The following SESTD1 variants were observed in gnomAD, a reference collection of about 807,000 sequenced individuals.
SESTD1 encodes SEC14 domain and spectrin repeat-containing protein 1.
SESTD1 carries 43 observed loss-of-function variants against 101.7 expected under a neutral mutation model. The ratio of observed to expected loss-of-function variants is 0.42; its 90% CI spans 0.33 to 0.55. The LOEUF (loss-of-function observed/expected upper bound fraction) is 0.55, where lower values mean the gene tolerates loss of function less well. Among genes scored for constraint, SESTD1 ranks in the 20% least tolerant of loss-of-function variants. SESTD1 has a pLI of 0.07. For missense variants in SESTD1, 647 were observed against 815.1 expected (o/e 0.79, Z 2.51); for synonymous variants, 283 against 286.8 (o/e 0.99, Z 0.13).
At chr2:179,225,405 ATAAT>A (rs1260469524) in intron 1 of SESTD1, among the ~76,000 whole-genome samples, 1 of 152,168 alleles carries the variant, frequency 6.6e-6, no homozygotes, top group Non-Finnish European at 1.5e-5. Flanking sequence ...TCCCTTAAAT[ATAAT>A]TATTCATTTT....
intron 16 of SESTD1, among the ~76,000 whole-genome samples, chr2:179,113,787 C>T (rs571728680): frequency 6.6e-6 from 1 of 151,870 alleles, no homozygotes; most frequent in South Asian, 2.1e-4. Context: ...GTACAACAAG[C>T]TCCAGGAGGT....
intron 9 of SESTD1, 131 bp from the exon 10 acceptor site, chr2:179,132,557 G>T: frequency 1.0e-6 from 1 of 998,374 alleles, no homozygotes; most frequent in Non-Finnish European, 1.4e-6. Context: ...CTATCACATA[G>T]GCAGTAAATG....
chr2:179,202,882 A>G lies in SESTD1; in HGVS notation c.-25-11016T>C, dbSNP rs917485653. Reference sequence around the variant, plus strand: ...AAGATCCAATATCCTAAGTCCCACAATCTGGGACAATGACCCACAGGGTCT... The same window carrying G: ...AAGATCCAATATCCTAAGTCCCACAGTCTGGGACAATGACCCACAGGGTCT... On this transcript the variant is annotated intron_variant, in intron 1 of 17. Coordinates refer to ENST00000428443, the MANE Select transcript of SESTD1 (RefSeq NM_178123.5). Among the ~76,000 whole-genome samples, 13 of 134,556 alleles carry G rather than the reference A, an allele frequency of 9.7e-5. 3 individuals carry two copies. The highest frequency in any genetic ancestry group is 1.6e-4 in the Non-Finnish European group (10 of 62,628). 88.3% of individuals were successfully genotyped at this position (134,556 alleles called of 152,430 possible). A position where few individuals can be genotyped will look rare whatever the true frequency, so the allele number is the denominator to read the frequency against.
chr2:179,135,039 G>A (rs1422512993), intron 9 of SESTD1, among the ~76,000 whole-genome samples: 2 of 152,236 alleles, frequency 1.3e-5, no homozygotes, highest in East Asian at 1.9e-4. Context: ...CTGCCTCCCA[G>A]GTTCAAGCGA....
chr2:179,121,889 G>A lies in SESTD1; in HGVS notation c.1323C>T (p.Leu441=). ...ATGCCTGATTGGAGATCTGATCCAGGAGACCTTGACCTTTTTCACGCAAAC... is the reference window on the plus strand; with the variant it reads ...ATGCCTGATTGGAGATCTGATCCAGAAGACCTTGACCTTTTTCACGCAAAC... ...LQGLREKGQG[L]LDQISNQASW... is the part of the protein sequence containing the mutation. Residue 441 remains leucine (L), a synonymous_variant, in exon 13 of 18, where the codon CTC becomes CTT. Transcript: ENST00000428443. 6.2e-7 allele frequency: 1 copy of A among 1,607,644 alleles called. No individual in the cohort carries two copies. The highest frequency in any genetic ancestry group is 8.5e-7 in the Non-Finnish European group (1 of 1,177,494).
At chr2:179,176,639 G>C in intron 3 of SESTD1, 101 bp from the exon 4 acceptor site, 2 of 783,596 alleles carry the variant, frequency 2.6e-6, no homozygotes. Flanking sequence ...ATATGGAGTA[G>C]AATTAATCTC....
At chr2:179,229,752 T>A (rs1303321217) in intron 1 of SESTD1, among the ~76,000 whole-genome samples, 4 of 99,830 alleles carry the variant, frequency 4.0e-5, no homozygotes, top group African/African-American at 1.6e-4. Flanking sequence ...TAAGAACTTA[T>A]ATATATATAT....
At chr2:179,200,734 A>C (rs1574031575) in intron 1 of SESTD1, among the ~76,000 whole-genome samples, 1 of 136,942 alleles carries the variant, frequency 7.3e-6, no homozygotes, top group Non-Finnish European at 1.6e-5. Flanking sequence ...GAAAGCTGAA[A>C]CTGGATCCCT....
At chr2:179,170,871 G>A (rs1022637380) in intron 5 of SESTD1, among the ~76,000 whole-genome samples, 7 of 152,332 alleles carry the variant, frequency 4.6e-5, no homozygotes, top group Middle Eastern at 6.8e-3. Context: ...CCTAGGGTTC[G>A]AAGCTCCTGC....
At position 179,214,291 on chromosome 2, in the gene SESTD1, C is replaced by T. The variant is rs2046689354; in HGVS notation, c.-25-22425G>A. ...AAATAAAGGGATGGAGGAAGATCTA[C>T]TAAGCAAATGGAAAGCAAAAAAAAG... On this transcript the variant is annotated intron_variant, in intron 1 of 17. Coordinates refer to ENST00000428443, the MANE Select transcript of SESTD1 (RefSeq NM_178123.5). Among the ~76,000 whole-genome samples the T allele has an allele frequency of 1.5e-5, 2 of 133,682 alleles. 1 individual carries two copies. 87.7% of individuals were successfully genotyped at this position (133,682 alleles called of 152,430 possible).
intron 9 of SESTD1, among the ~76,000 whole-genome samples, chr2:179,140,695 C>G (rs1657854179): frequency 1.3e-5 from 2 of 152,242 alleles, no homozygotes; most frequent in South Asian, 4.1e-4. Flanking sequence ...CTTCCTTCAC[C>G]ACACCTCCCT....
intron 1 of SESTD1, among the ~76,000 whole-genome samples, chr2:179,249,491 A>G (rs980752974): frequency 6.6e-6 from 1 of 152,200 alleles, no homozygotes; most frequent in Non-Finnish European, 1.5e-5. Context: ...GGAAACTACA[A>G]AATACTGATG....
intron 1 of SESTD1, among the ~76,000 whole-genome samples, chr2:179,194,950 C>G (rs2046368094): frequency 6.6e-6 from 1 of 152,206 alleles, no homozygotes; most frequent in South Asian, 2.1e-4. Context: ...ACTTTCCCAA[C>G]ATTGCTGGAC....
At chr2:179,255,412 C>T (rs995930657) in intron 1 of SESTD1, among the ~76,000 whole-genome samples, 2 of 152,146 alleles carry the variant, frequency 1.3e-5, no homozygotes, top group African/African-American at 4.8e-5. Flanking sequence ...GTGAAACAGC[C>T]ACATTGTTAA....
intron 10 of SESTD1, among the ~76,000 whole-genome samples, chr2:179,126,573 A>AAATT (rs1167470974): frequency 6.6e-6 from 1 of 152,160 alleles, no homozygotes; most frequent in Non-Finnish European, 1.5e-5. Flanking sequence ...AAGAATTACC[A>AAATT]AATTAATATA....
Position 179,186,039 on chromosome 2 carries a change from A to G in SESTD1, c.56-2851T>C, listed in dbSNP as rs186836722. ...TATAGTATATTACATACAGTATATA[A>G]TATAGCATATACAATATAGTATATT... On this transcript the variant is annotated intron_variant, in intron 2 of 17. Coordinates refer to ENST00000428443, the MANE Select transcript of SESTD1 (RefSeq NM_178123.5). Among the ~76,000 whole-genome samples the G allele has an allele frequency of 3.9e-3, 565 of 146,296 alleles. 2 individuals carry two copies. Among genetic ancestry groups the G allele is most frequent in the African/African-American group, 0.013 (524 of 40,152 alleles).
intron 1 of SESTD1, among the ~76,000 whole-genome samples, chr2:179,239,614 C>T (rs1487115473): frequency 6.6e-6 from 1 of 152,080 alleles, no homozygotes; most frequent in Non-Finnish European, 1.5e-5. Context: ...TGGGTTTAGA[C>T]CTAGGCACAG....
chr2:179,161,819 A>G (rs910629585), intron 5 of SESTD1, among the ~76,000 whole-genome samples: 2 of 152,138 alleles, frequency 1.3e-5, no homozygotes, highest in African/African-American at 4.8e-5. Flanking sequence ...TATGAGAAAA[A>G]GTTTGCAGTC....
chr2:179,239,175 T>C (rs1284665261), intron 1 of SESTD1, among the ~76,000 whole-genome samples: 1 of 152,166 alleles, frequency 6.6e-6, no homozygotes, highest in Non-Finnish European at 1.5e-5. Flanking sequence ...ATGGATTATA[T>C]AGGATGCTAT....
Sources: allele counts gnomAD v4.1 joint callset (sites outside exome capture counted in the v4.1 genomes callset), GRCh38; gene constraint gnomAD v4.1.1; transcripts MANE v1.5; gene names NCBI Gene and HGNC (gene_info 2026-07-23, HGNC 2026-07-21).